The following MYO1B variants were observed in gnomAD, a reference collection of about 807,000 sequenced individuals.
MYO1B encodes myosin IB, also known as unconventional myosin-Ib.
Under a neutral mutation model 159.7 loss-of-function variants are expected in MYO1B, and 72 were observed. That is an observed-to-expected ratio of 0.45 (90% confidence interval 0.37 to 0.55). The LOEUF is 0.55. Among genes scored for constraint, MYO1B ranks in the 20% least tolerant of loss-of-function variants. MYO1B has a pLI of 0.00. For missense variants in MYO1B, 1,062 were observed against 1,364.8 expected, an observed-to-expected ratio of 0.78 and a Z score of 3.50; for synonymous variants, 468 against 473.8, an observed-to-expected ratio of 0.99 and a Z score of 0.16.
At chr2:191,349,436 A>G (rs1012864570) in intron 6 of MYO1B, among the ~76,000 whole-genome samples, 1 of 152,170 alleles carries the variant, frequency 6.6e-6, no homozygotes, top group Non-Finnish European at 1.5e-5. Context: ...TTATTAGATC[A>G]ACACACACTT....
chr2:191,389,563 C>T (rs2356646), intron 17 of MYO1B, among the ~76,000 whole-genome samples: 125,008 of 152,028 alleles, frequency 0.82, 55,581 homozygotes, highest in East Asian at 1. Flanking sequence ...GTCCCTTCTT[C>T]TAAGAACACT....
chr2:191,341,589 G>C (rs1692226380), intron 5 of MYO1B, 24 bp downstream of exon 5: 2 of 1,587,902 alleles, frequency 1.3e-6, no homozygotes, highest in African/African-American at 2.7e-5. Flanking sequence ...TGTTCATTAA[G>C]TCGGTGTGAC....
At chr2:191,326,004 A>G (rs1022438631) in intron 3 of MYO1B, among the ~76,000 whole-genome samples, 11 of 152,172 alleles carry the variant, frequency 7.2e-5, no homozygotes, top group Admixed American at 3.9e-4. Context: ...GGCTGACCCT[A>G]TTCTTAGAGC....
intron 3 of MYO1B, among the ~76,000 whole-genome samples, chr2:191,325,194 A>G (rs1031367618): frequency 3.3e-5 from 5 of 152,176 alleles, no homozygotes; most frequent in Non-Finnish European, 7.4e-5. Context: ...TTTTAGGACT[A>G]AACCAGAGCT....
intron 13 of MYO1B, 124 bp downstream of exon 13, chr2:191,370,416 T>C: frequency 1.5e-6 from 1 of 688,906 alleles, no homozygotes; most frequent in Non-Finnish European, 2.5e-6. Flanking sequence ...CTTGTGTAGA[T>C]GTAACACACT....
intron 5 of MYO1B, among the ~76,000 whole-genome samples, chr2:191,342,042 G>C (rs1305713055): frequency 1.3e-5 from 2 of 152,024 alleles, no homozygotes; most frequent in Non-Finnish European, 1.5e-5. Flanking sequence ...GTCTTAGCTT[G>C]GGCTGCCATA....
intron 5 of MYO1B, among the ~76,000 whole-genome samples, chr2:191,345,326 A>AG (rs1285683007): frequency 1.3e-5 from 2 of 152,206 alleles, no homozygotes; most frequent in African/African-American, 4.8e-5. Context: ...AGTGTCAAAC[A>AG]GGGATCGCCT....
Position 191,350,178 on chromosome 2 carries a change from T to C in MYO1B, c.515T>C (p.Ile172Thr). The change falls in exon 7 of 31, where the codon ATT becomes ACT. Residue 172 changes from isoleucine (I) to threonine (T), a missense_variant. By Grantham distance (89) the Ile-to-Thr change is moderately conservative (BLOSUM62 -1). Transcript: ENST00000392318. ...NSSRFGKYMD[I>T]EFDFKGDPLG... Reference sequence around the variant, plus strand: ...CTTTGGCAGGGCAAATATATGGATATTGAATTTGACTTTAAAGGCGATCCA... The same window carrying C: ...CTTTGGCAGGGCAAATATATGGATACTGAATTTGACTTTAAAGGCGATCCA... 1 of 1,612,824 alleles carries C rather than the reference T, an allele frequency of 6.2e-7. No individual in the cohort carries two copies.
intron 4 of MYO1B, among the ~76,000 whole-genome samples, chr2:191,333,955 C>T (rs1211877941): frequency 6.6e-6 from 1 of 152,070 alleles, no homozygotes; most frequent in Non-Finnish European, 1.5e-5. Flanking sequence ...GTATCTACGC[C>T]CACCCCTCCC....
rs181199311 is a variant in MYO1B, at chr2:191,410,050, A to G, written c.2766+872A>G. 2.8e-4 allele frequency among the ~76,000 whole-genome samples: 43 copies of G among 152,360 alleles called. No homozygotes were observed. In the East Asian group the frequency reaches 7.9e-3, roughly 28 times the overall value. On this transcript the variant is annotated intron_variant, in intron 26 of 30. Coordinates refer to ENST00000392318, the MANE Select transcript of MYO1B (RefSeq NM_001130158.3). ...TTAGCTTGATAAGTGGTACCATACAACATAAGGAACTAGATTCTGAGTTCT... is the reference window on the plus strand; with the variant it reads ...TTAGCTTGATAAGTGGTACCATACAGCATAAGGAACTAGATTCTGAGTTCT...
chr2:191,374,478 G>T (rs1010553268), intron 13 of MYO1B, among the ~76,000 whole-genome samples: 1 of 152,172 alleles, frequency 6.6e-6, no homozygotes, highest in African/African-American at 2.4e-5. Context: ...TGGCCCTGCA[G>T]TTCCCATGAA....
chr2:191,336,402 A>T (rs768833220), intron 4 of MYO1B, among the ~76,000 whole-genome samples: 1 of 152,230 alleles, frequency 6.6e-6, no homozygotes, highest in Non-Finnish European at 1.5e-5. Flanking sequence ...AGCAGAATAG[A>T]TAAGTGAAGT....
In MYO1B at chr2:191,362,322, C is replaced by A; in HGVS notation, c.716C>A (p.Ser239Ter). 6.2e-7 allele frequency: 1 copy of A among 1,613,852 alleles called. No individual in the cohort carries two copies. Among genetic ancestry groups the A allele is most frequent in the Non-Finnish European group, 8.5e-7 (1 of 1,179,814 alleles). Residue 239 changes from serine (S) to a stop codon, truncating the protein, a stop_gained, in exon 9 of 31, where the codon TCG (serine) becomes TAG (stop). Transcript: ENST00000392318. LOFTEE classifies it high-confidence loss of function. The part of the protein sequence containing the change: ...FSRYNYLSLD[S>*]AKVNGVDDAA... ...AGGTATAACTACCTGAGTCTGGATT[C>A]GGCCAAAGTGAATGGAGTGGATGAT...
intron 2 of MYO1B, among the ~76,000 whole-genome samples, chr2:191,290,106 C>T (rs190393591): frequency 1.7e-4 from 26 of 152,314 alleles, no homozygotes; most frequent in African/African-American, 6.3e-4. Context: ...TATTACCCTA[C>T]GTTCCCAATT....
chr2:191,398,702 T>C (rs926483352), intron 21 of MYO1B, among the ~76,000 whole-genome samples: 6 of 149,366 alleles, frequency 4.0e-5, no homozygotes, highest in African/African-American at 1.2e-4. Flanking sequence ...ACTTCCTAGA[T>C]GGGATGGCGG....
At chr2:191,257,445 A>G (rs865884678) in intron 1 of MYO1B, among the ~76,000 whole-genome samples, 7 of 152,150 alleles carry the variant, frequency 4.6e-5, no homozygotes, top group Non-Finnish European at 5.9e-5. Flanking sequence ...AACTTTTCCA[A>G]CAGAATTCTG....
chr2:191,377,176 C>T (rs190468171), intron 13 of MYO1B, among the ~76,000 whole-genome samples: 12 of 152,202 alleles, frequency 7.9e-5, no homozygotes, highest in African/African-American at 2.9e-4. Flanking sequence ...TAGTTGGTAA[C>T]TATAGTGTGA....
chr2:191,342,634 G>A (rs1448789484), intron 5 of MYO1B, among the ~76,000 whole-genome samples: 2 of 152,134 alleles, frequency 1.3e-5, no homozygotes, highest in Non-Finnish European at 2.9e-5. Context: ...ATCACTTGAG[G>A]CCAGGAGTTC....
chr2:191,293,928 A>G (rs187264976), intron 2 of MYO1B, among the ~76,000 whole-genome samples: 50 of 152,316 alleles, frequency 3.3e-4, no homozygotes, highest in Admixed American at 6.5e-4. Flanking sequence ...AGCACTGAGT[A>G]TAGTATATTT....
Sources: gnomAD v4.1 joint callset for allele counts (sites outside exome capture counted in the v4.1 genomes callset) on GRCh38, gnomAD v4.1.1 for gene constraint, MANE v1.5 for transcripts, NCBI Gene and HGNC (gene_info 2026-07-23, HGNC 2026-07-21) for gene names.